Variants in SH3RF1 observed in about 807,000 individuals in gnomAD.
The protein encoded by SH3RF1 is SH3 domain containing ring finger 1, also known as E3 ubiquitin-protein ligase SH3RF1.
Under a neutral mutation model 74.0 loss-of-function variants are expected in SH3RF1, and 32 were observed. That is an observed-to-expected ratio of 0.43 (90% CI 0.33 to 0.58). The LOEUF is 0.58. Among genes scored for constraint, SH3RF1 ranks in the 20% least tolerant of loss-of-function variants. The pLI, the probability that SH3RF1 is intolerant of heterozygous loss-of-function variation, is 0.05. For missense variants in SH3RF1, 954 were observed against 1,130.9 expected (o/e 0.84, Z 2.24); for synonymous variants, 396 against 439.6 (o/e 0.90, Z 1.24).
intron 2 of SH3RF1, among the ~76,000 whole-genome samples, chr4:169,262,090 A>G (rs779542966): frequency 1.8e-4 from 27 of 152,172 alleles, no homozygotes; most frequent in Admixed American, 6.5e-5. Context: ...TTATACATCA[A>G]TAAAGAGTTT....
chr4:169,174,220 C>T (rs1734379893), intron 2 of SH3RF1, among the ~76,000 whole-genome samples: 1 of 152,086 alleles, frequency 6.6e-6, no homozygotes, highest in Non-Finnish European at 1.5e-5. Context: ...TACCAGCATA[C>T]CTGGCTAATT....
intron 2 of SH3RF1, among the ~76,000 whole-genome samples, chr4:169,196,706 C>A (rs1465466999): frequency 6.6e-6 from 1 of 152,092 alleles, no homozygotes; most frequent in Non-Finnish European, 1.5e-5. Context: ...CTTTTTTATA[C>A]TTTATCTTGC....
intron 2 of SH3RF1, among the ~76,000 whole-genome samples, chr4:169,229,467 C>A (rs1730699698): frequency 6.6e-6 from 1 of 151,444 alleles, no homozygotes; most frequent in Non-Finnish European, 1.5e-5. Context: ...GTATACCACC[C>A]CCCCACCCAA....
At chr4:169,103,169 C>CTCGT (rs1275801105) in intron 11 of SH3RF1, among the ~76,000 whole-genome samples, 1 of 146,944 alleles carries the variant, frequency 6.8e-6, no homozygotes, top group Non-Finnish European at 1.5e-5. Context: ...AACTCCTGAC[C>CTCGT]TCGTGATCCA....
chr4:169,203,081 A>C (rs577305562), intron 2 of SH3RF1, among the ~76,000 whole-genome samples: 125 of 152,212 alleles, frequency 8.2e-4, no homozygotes, highest in Non-Finnish European at 1.1e-3. Context: ...TATTGTTAAG[A>C]AAATGCTAAA....
intron 2 of SH3RF1, among the ~76,000 whole-genome samples, chr4:169,181,025 T>C (rs570623384): frequency 1.3e-5 from 2 of 152,274 alleles, no homozygotes; most frequent in East Asian, 3.9e-4. Context: ...ATTCTTTTCT[T>C]AGTAAAATAG....
intron 6 of SH3RF1, among the ~76,000 whole-genome samples, chr4:169,122,570 C>G (rs956999656): frequency 1.2e-4 from 18 of 152,148 alleles, no homozygotes; most frequent in African/African-American, 4.1e-4. Context: ...AGATTAATAG[C>G]ATTTTAAAGT....
Position 169,107,094 on chromosome 4 carries a change from G to A in SH3RF1, c.2251C>T (p.Leu751Phe). Residue 751 changes from leucine (L) to phenylalanine (F), a missense_variant, in exon 11 of 12, where the codon CTT becomes TTT. Transcript: ENST00000284637. ...TLEVELGSAE[L>F]PLQGAVGPEL... Reference sequence around the variant, plus strand: ...GGCCCCACCGCTCCCTGGAGAGGAAGCTCTGCACTGCCCAGCTCCACTTCT... The same window carrying A: ...GGCCCCACCGCTCCCTGGAGAGGAAACTCTGCACTGCCCAGCTCCACTTCT... 2 of 1,613,998 alleles carry A rather than the reference G, an allele frequency of 1.2e-6. No homozygotes were observed. Among genetic ancestry groups the A allele is most frequent in the South Asian group, 2.2e-5 (2 of 91,076 alleles).
chr4:169,106,022 C>T (rs1733127751), intron 11 of SH3RF1, among the ~76,000 whole-genome samples: 1 of 151,432 alleles, frequency 6.6e-6, no homozygotes, highest in African/African-American at 2.4e-5. Flanking sequence ...TTTTTTAGCT[C>T]ATCAGCTATA....
intron 4 of SH3RF1, among the ~76,000 whole-genome samples, chr4:169,145,866 T>TTAC (rs1475075170): frequency 1.1e-4 from 13 of 113,988 alleles, no homozygotes; most frequent in Non-Finnish European, 1.7e-4. Flanking sequence ...ATATAAAATA[T>TTAC]GTATTCTATA....
At position 169,165,712 on chromosome 4, in the gene SH3RF1, A is replaced by G. The variant is rs139496602; in HGVS notation, c.394-9033T>C. 5.2e-3 allele frequency among the ~76,000 whole-genome samples: 786 copies of G among 152,236 alleles called. 6 individuals carry two copies. Among genetic ancestry groups the G allele is most frequent in the African/African-American group, 0.017 (721 of 41,526 alleles). On this transcript the variant is annotated intron_variant, in intron 2 of 11. Coordinates refer to ENST00000284637, the MANE Select transcript of SH3RF1 (RefSeq NM_020870.4). ...AGTTTTGTCCAGTGTTTACATTAACACCTTGGAGAGAGGATGCTCATATAA... is the reference window on the plus strand; with the variant it reads ...AGTTTTGTCCAGTGTTTACATTAACGCCTTGGAGAGAGGATGCTCATATAA...
intron 4 of SH3RF1, among the ~76,000 whole-genome samples, chr4:169,150,113 A>G (rs1407517033): frequency 6.6e-6 from 1 of 152,204 alleles, no homozygotes; most frequent in African/African-American, 2.4e-5. Context: ...AGCCAGAGAA[A>G]TGTCTCCCAT....
At chr4:169,125,206 A>C (rs35422696) in intron 6 of SH3RF1, among the ~76,000 whole-genome samples, 11,672 of 152,170 alleles carry the variant, frequency 0.077, 619 homozygotes, top group African/African-American at 0.16. Context: ...GGGGTCAAAA[A>C]AAAACATAGA....
chr4:169,130,150 T>C lies in SH3RF1; in HGVS notation c.1075A>G (p.Ile359Val), dbSNP rs370644998. ...GTCACAATTAACCCGGTGGTACTTA[T>C]ATGAACCTGCCGAGAAAAGAAAAGT... Reference protein sequence around the residue: ...LSCSAPSQVHISTTGLIVTPP... With the variant: ...LSCSAPSQVHVSTTGLIVTPP... Residue 359 changes from isoleucine to valine, a missense_variant, in exon 6 of 12, where the codon ATA (isoleucine) becomes GTA (valine). By Grantham distance (29) the Ile-to-Val change is conservative. This residue lies in a region of SH3RF1 where 854 missense variants were observed against 962.5 expected (regional missense o/e 0.89). Transcript: ENST00000284637. 23 of 1,569,754 alleles carry C rather than the reference T, an allele frequency of 1.5e-5. No individual in the cohort carries two copies. The Admixed American group carries it at 2.7e-4, about 18-fold the overall frequency.
At chr4:169,126,216 T>A (rs1490476039) in intron 6 of SH3RF1, among the ~76,000 whole-genome samples, 3 of 152,232 alleles carry the variant, frequency 2.0e-5, no homozygotes, top group Non-Finnish European at 4.4e-5. Context: ...TAACAGATCC[T>A]CAATGAGCAT....
At chr4:169,109,050 G>A (rs1219806851) in intron 10 of SH3RF1, among the ~76,000 whole-genome samples, 1 of 152,210 alleles carries the variant, frequency 6.6e-6, no homozygotes, top group Non-Finnish European at 1.5e-5. Flanking sequence ...CTGCTGCTCT[G>A]TACTTATTGT....
chr4:169,136,251 A>C, intron 5 of SH3RF1, 67 bp downstream of exon 5: 1 of 1,350,374 alleles, frequency 7.4e-7, no homozygotes, highest in African/African-American at 1.5e-5. Context: ...CCAGTGAGCA[A>C]ACATGTTTGT....
chr4:169,270,308 A>C (rs1186524166), intron 1 of SH3RF1, among the ~76,000 whole-genome samples: 1 of 151,584 alleles, frequency 6.6e-6, no homozygotes, highest in African/African-American at 2.4e-5. Context: ...CCGCAGACAC[A>C]CCCCGGGGCC....
intron 2 of SH3RF1, among the ~76,000 whole-genome samples, chr4:169,181,496 C>T (rs113550040): frequency 0.017 from 2,526 of 152,112 alleles, 72 homozygotes; most frequent in African/African-American, 0.056. Flanking sequence ...CTCCTGACCT[C>T]ATGATCCACC....
Sources: allele counts gnomAD v4.1 joint callset (sites outside exome capture counted in the v4.1 genomes callset), GRCh38; gene constraint gnomAD v4.1.1; regional missense constraint gnomAD v4.1.1; transcripts MANE v1.5; gene names NCBI Gene and HGNC (gene_info 2026-07-23, HGNC 2026-07-21).